Variants in PARP16 observed in about 807,000 individuals in gnomAD.
PARP16 encodes poly(ADP-ribose) polymerase family member 16.
Under a neutral mutation model 35.0 loss-of-function variants are expected in PARP16, and 31 were observed. The ratio of observed to expected loss-of-function variants is 0.88; its 90% CI spans 0.66 to 1.19. The LOEUF (loss-of-function observed/expected upper bound fraction) is 1.19, where lower values mean the gene tolerates loss of function less well. Ranked by LOEUF, PARP16 falls within the 50% of genes most tolerant of loss-of-function variation. The pLI is 0.00. For missense variants in PARP16, 424 were observed against 411.2 expected (o/e 1.03, Z -0.27); for synonymous variants, 162 against 169.5 (o/e 0.96, Z 0.34).
chr15:65,250,106 C>CTTTTT lies in PARP16; in HGVS notation c.203-1879_203-1878insAAAAA, dbSNP rs1567013240. On this transcript the variant is annotated intron_variant and NMD_transcript_variant, in intron 2 of 3. Transcript: ENST00000559805. ...CTAGCTGCAGCCTTGCACCTGCTTG[C>CTTTTT]CTTTTTTTTTTTTTTTTTTTTTTTT... Among the ~76,000 whole-genome samples, 9 of 104,198 alleles carry CTTTTT rather than the reference C, an allele frequency of 8.6e-5. 2 individuals are homozygous for CTTTTT. Among genetic ancestry groups the CTTTTT allele is most frequent in the African/African-American group, 1.5e-4 (4 of 26,146 alleles). 68.4% of individuals were successfully genotyped at this position (104,198 alleles called of 152,430 possible).
In PARP16 at chr15:65,279,483, C is replaced by A. The variant is rs142801758; in HGVS notation, c.174+6770G>T. ...ATATCACCATCCCATTAGCTGATAT[C>A]TTTCTAGACACATACCTACCCACTG... On this transcript the variant is annotated intron_variant, in intron 1 of 5. Coordinates refer to ENST00000649807, the MANE Select transcript of PARP16 (RefSeq NM_001316943.2). 8.3e-4 allele frequency among the ~76,000 whole-genome samples: 126 copies of A among 152,238 alleles called. 1 individual carries two copies. The East Asian group carries it at 0.019, about 23-fold the overall frequency.
At chr15:65,265,327 T>C (rs1041324673) in intron 3 of PARP16, among the ~76,000 whole-genome samples, 3 of 152,224 alleles carry the variant, frequency 2.0e-5, no homozygotes, top group African/African-American at 4.8e-5. Context: ...TGAACTGTTT[T>C]AATTCTCTGA....
downstream of PARP16, among the ~76,000 whole-genome samples, chr15:65,253,655 A>G (rs985752760): frequency 3.3e-5 from 5 of 151,962 alleles, no homozygotes; most frequent in Non-Finnish European, 7.4e-5. Context: ...CTAACATTCA[A>G]TCATTACCCT....
intron 3 of PARP16, among the ~76,000 whole-genome samples, chr15:65,243,646 A>G (rs1057136277): frequency 2.0e-5 from 3 of 152,292 alleles, no homozygotes; most frequent in South Asian, 4.1e-4. Context: ...GGAAGATTTT[A>G]TATCAAGTTG....
In PARP16 at chr15:65,276,326, G is replaced by A. The variant is rs779074280; in HGVS notation, c.175-5254C>T. Among the ~76,000 whole-genome samples, 4 of 152,100 alleles carry A rather than the reference G, an allele frequency of 2.6e-5. No homozygotes were observed. The South Asian group carries it at 6.2e-4, about 24-fold the overall frequency. Reference sequence around the variant, plus strand: ...TTGCCATTTAAAATACGCTCTGCCCGGTTAAATTTGAATTTCAGATAAACA... The same window carrying A: ...TTGCCATTTAAAATACGCTCTGCCCAGTTAAATTTGAATTTCAGATAAACA... On this transcript the variant is annotated intron_variant, in intron 1 of 5. Transcript: ENST00000649807.
intron 2 of PARP16, among the ~76,000 whole-genome samples, chr15:65,269,190 T>TCTCTCTCTCTCTCTCTCTCTCTC (rs58433603): frequency 2.7e-5 from 4 of 148,064 alleles, no homozygotes; most frequent in African/African-American, 7.7e-5. Context: ...CTTTCTTTCT[T>TCTCTCTCTCTCTCTCTCTCTCTC]TCTTTCTTTC....
At position 65,263,410 on chromosome 15, in the gene PARP16, G is replaced by T. The variant is rs1003712039; in HGVS notation, c.520-90C>A. On this transcript the variant is annotated intron_variant, in intron 3 of 5. Coordinates refer to ENST00000649807, the MANE Select transcript of PARP16 (RefSeq NM_001316943.2). ...CGACACAGGTCTCTCTTCAAGAGTTGTAAACACAAAATGTACAACCCCCGC... is the reference window on the plus strand; with the variant it reads ...CGACACAGGTCTCTCTTCAAGAGTTTTAAACACAAAATGTACAACCCCCGC... The T allele has an allele frequency of 1.8e-5, 20 of 1,104,018 alleles. 1 individual carries two copies. Among genetic ancestry groups the T allele is most frequent in the Non-Finnish European group, 2.6e-5 (20 of 776,316 alleles). The allele number at this position is 1,104,018 out of a possible 1,614,324, so 68.4% of individuals were successfully genotyped here.
At chr15:65,280,129 A>C (rs1284809397) in intron 1 of PARP16, among the ~76,000 whole-genome samples, 3 of 152,106 alleles carry the variant, frequency 2.0e-5, no homozygotes, top group African/African-American at 7.2e-5. Context: ...AAGCATCGAA[A>C]GCCTTCCTTA....
chr15:65,233,505 A>G (rs1361821169), downstream of PARP16, among the ~76,000 whole-genome samples: 2 of 152,204 alleles, frequency 1.3e-5, no homozygotes, highest in African/African-American at 4.8e-5. Flanking sequence ...TTGGGAGGCC[A>G]GGGCAGGCAG....
At chr15:65,284,538 G>A (rs934276003) in intron 1 of PARP16, among the ~76,000 whole-genome samples, 11 of 151,730 alleles carry the variant, frequency 7.2e-5, no homozygotes, top group African/African-American at 2.7e-4. Flanking sequence ...ATATTGTCCA[G>A]GCTGGTCTTG....
intron 1 of PARP16, among the ~76,000 whole-genome samples, chr15:65,274,189 C>T (rs2090178802): frequency 6.6e-6 from 1 of 151,778 alleles, no homozygotes; most frequent in South Asian, 2.1e-4. Flanking sequence ...AGTGATCCTC[C>T]TGCCTCAGCC....
downstream of PARP16, among the ~76,000 whole-genome samples, chr15:65,256,494 G>A (rs1189774377): frequency 7.2e-6 from 1 of 139,360 alleles, no homozygotes. Context: ...TGCAAGCTCC[G>A]CCTCCTGGTT....
chr15:65,239,256 G>C (rs183567787), intron 3 of PARP16, among the ~76,000 whole-genome samples: 1 of 150,498 alleles, frequency 6.6e-6, no homozygotes, highest in Non-Finnish European at 1.5e-5. Flanking sequence ...TGAAACTGCG[G>C]TCTCTACTAA....
At chr15:65,283,505 TCA>T (rs1432852329) in intron 1 of PARP16, among the ~76,000 whole-genome samples, 6 of 152,182 alleles carry the variant, frequency 3.9e-5, no homozygotes, top group Non-Finnish European at 8.8e-5. Flanking sequence ...TCACACTAAA[TCA>T]CAGTCTTGTC....
intron 5 of PARP16, among the ~76,000 whole-genome samples, chr15:65,260,020 G>C (rs1441572374): frequency 1.3e-5 from 2 of 152,134 alleles, no homozygotes; most frequent in Non-Finnish European, 2.9e-5. Context: ...AGGGAGAAGT[G>C]GGAAAGGAAT....
chr15:65,240,295 A>T (rs1341571784), intron 3 of PARP16, among the ~76,000 whole-genome samples: 2 of 80,728 alleles, frequency 2.5e-5, no homozygotes, highest in Admixed American at 1.7e-4. Flanking sequence ...ACGCCTGGCT[A>T]GTGTGTGTGT....
Position 65,251,926 on chromosome 15 carries a change from G to A in PARP16, c.203-3698C>T, listed in dbSNP as rs921524576. ...ACTACAGGCGCCCACCACCCCGCCC[G>A]GCTAATTTTTTGTATTTTTAGTAGA... is the stretch of plus-strand genomic sequence containing the variant. On this transcript the variant is annotated intron_variant and NMD_transcript_variant, in intron 2 of 3. Coordinates refer to the PARP16 transcript ENST00000559805. Among the ~76,000 whole-genome samples the A allele has an allele frequency of 2.6e-4, 40 of 152,036 alleles. No homozygotes were observed. In the East Asian group the frequency reaches 6.8e-3, roughly 26 times the overall value.
rs747251364 is a variant in PARP16 at position 65,286,219 on chromosome 15, C to T, written c.174+34G>A. ...GTTCCACAGGGCACTTGGTCCAGGA[C>T]GCAGTGGGCAGCGCCAGGACAAAGC... On this transcript the variant is annotated intron_variant, in intron 1 of 5. Coordinates refer to ENST00000649807, the MANE Select transcript of PARP16 (RefSeq NM_001316943.2). The T allele has an allele frequency of 5.3e-6, 8 of 1,505,670 alleles. No homozygotes were observed. In the East Asian group the frequency reaches 1.8e-4, roughly 33 times the overall value. The allele number at this position is 1,505,670 out of a possible 1,614,324, so 93.3% of individuals were successfully genotyped here. A position where few individuals can be genotyped will look rare whatever the true frequency, so the allele number is the denominator to read the frequency against.
chr15:65,266,840 ACT>A (rs2089908976), intron 2 of PARP16, 72 bp from the exon 3 acceptor site: 4 of 1,092,356 alleles, frequency 3.7e-6, no homozygotes, highest in Non-Finnish European at 5.5e-6. Flanking sequence ...AGCCCCCTAA[ACT>A]CTCAGGCTTA....
Sources: allele counts gnomAD v4.1 joint callset (sites outside exome capture counted in the v4.1 genomes callset), GRCh38; gene constraint gnomAD v4.1.1; transcripts MANE v1.5; gene names NCBI Gene and HGNC (gene_info 2026-07-23, HGNC 2026-07-21).